The following LMO7 variants were observed in gnomAD, a reference collection of about 807,000 sequenced individuals.
LMO7 encodes the protein LIM domain 7.
LMO7 carries 120 observed loss-of-function variants against 206.5 expected under a neutral mutation model. The ratio of observed to expected loss-of-function variants is 0.58; its 90% CI spans 0.50 to 0.68. The LOEUF (loss-of-function observed/expected upper bound fraction) is 0.68. LMO7 is among the 30% of genes least tolerant of loss of function. LMO7 has a pLI of 0.00. For synonymous variants in LMO7, 706 were observed against 681.5 expected (o/e 1.04, Z -0.56); for missense variants, 1,959 against 1,957.9 (o/e 1.00, Z -0.01).
intron 1 of LMO7, among the ~76,000 whole-genome samples, chr13:75,660,551 T>A (rs941465834): frequency 2.0e-5 from 3 of 152,202 alleles, no homozygotes; most frequent in African/African-American, 7.2e-5. Flanking sequence ...GCTGATGGGG[T>A]GCAGTGCTTC....
chr13:75,846,015 T>C (rs114797865), intron 26 of LMO7, among the ~76,000 whole-genome samples: 1,672 of 152,256 alleles, frequency 0.011, 24 homozygotes, highest in African/African-American at 0.039. Context: ...GCCCATCATG[T>C]TGGATAGCCA....
At chr13:75,737,115 A>G (rs2045892171) in intron 3 of LMO7, among the ~76,000 whole-genome samples, 1 of 152,200 alleles carries the variant, frequency 6.6e-6, no homozygotes, top group African/African-American at 2.4e-5. Flanking sequence ...TAATGAGCTC[A>G]TACTGGGGTA....
In LMO7 at chr13:75,858,087, G is replaced by A; in HGVS notation, c.*144G>A. The A allele has an allele frequency of 1.2e-6, 1 of 823,360 alleles. No homozygotes were observed. Among genetic ancestry groups the A allele is most frequent in the Non-Finnish European group, 1.9e-6 (1 of 530,786 alleles). The allele number at this position is 823,360 out of a possible 1,614,324, so 51.0% of individuals were successfully genotyped here. A position where few individuals can be genotyped will look rare whatever the true frequency, so the allele number is the denominator to read the frequency against. On this transcript the variant is annotated 3_prime_UTR_variant, in exon 31 of 31. Transcript: ENST00000377534. ...TTTTTTTGCCTCTTTAGATTACATAGAAGCATTGTAGTCTTGGTAGAACCA... is the reference window on the plus strand; with the variant it reads ...TTTTTTTGCCTCTTTAGATTACATAAAAGCATTGTAGTCTTGGTAGAACCA...
At chr13:75,700,119 G>A (rs943685933) in intron 1 of LMO7, among the ~76,000 whole-genome samples, 3 of 152,116 alleles carry the variant, frequency 2.0e-5, no homozygotes, top group East Asian at 1.9e-4. Flanking sequence ...CCTGAACATC[G>A]CTGTTATCCT....
Position 75,807,976 on chromosome 13 carries a change from T to C in LMO7, c.1693T>C (p.Cys565Arg). 2.5e-6 allele frequency: 4 copies of C among 1,613,972 alleles called. No homozygotes were observed. Among genetic ancestry groups the C allele is most frequent in the South Asian group, 1.1e-5 (1 of 91,074 alleles). The change falls in exon 10 of 31, where the codon TGC (cysteine) becomes CGC (arginine). Residue 565 changes from cysteine to arginine, a missense_variant. By Grantham distance (180) the Cys-to-Arg change is radical (BLOSUM62 -3). Coordinates refer to ENST00000377534, the MANE Select transcript of LMO7 (RefSeq NM_001306080.2). ...ATTTCTCTGTGTACTTGAAAGGACATGCCCATCCAAAGAAAAAAGTAATAG... is the reference window on the plus strand; with the variant it reads ...ATTTCTCTGTGTACTTGAAAGGACACGCCCATCCAAAGAAAAAAGTAATAG... ...AKFLCVLERT[C>R]PSKEKSNSCR...
At chr13:75,663,434 T>TTCTTTC (rs780935072) in intron 1 of LMO7, among the ~76,000 whole-genome samples, 39 of 131,756 alleles carry the variant, frequency 3.0e-4, no homozygotes, top group South Asian at 7.1e-4. Flanking sequence ...CTTTCTTTCT[T>TTCTTTC]TTTTTTTTTT....
At chr13:75,789,882 G>A (rs1366108546) in intron 4 of LMO7, among the ~76,000 whole-genome samples, 3 of 152,128 alleles carry the variant, frequency 2.0e-5, no homozygotes, top group African/African-American at 7.2e-5. Flanking sequence ...GATCATAAAT[G>A]AAGATAGATT....
At chr13:75,752,280 G>A (rs571652588) in intron 3 of LMO7, among the ~76,000 whole-genome samples, 219 of 151,910 alleles carry the variant, frequency 1.4e-3, no homozygotes, top group Non-Finnish European at 1.8e-3. Context: ...ACAGGCGCCC[G>A]CCACTATGCC....
intron 3 of LMO7, among the ~76,000 whole-genome samples, chr13:75,748,813 TTC>T (rs1177309199): frequency 3.8e-5 from 5 of 132,508 alleles, no homozygotes; most frequent in Admixed American, 7.5e-5. Context: ...CTTTCTTTCT[TTC>T]TTTTTTTTTT....
intron 4 of LMO7, among the ~76,000 whole-genome samples, chr13:75,773,850 C>G (rs1594871779): frequency 6.6e-6 from 1 of 152,110 alleles, no homozygotes; most frequent in Admixed American, 6.6e-5. Flanking sequence ...AAAACAAAGT[C>G]CAGCTCTGAG....
At chr13:75,745,202 G>A (rs1340244710) in intron 3 of LMO7, among the ~76,000 whole-genome samples, 1 of 152,112 alleles carries the variant, frequency 6.6e-6, no homozygotes, top group East Asian at 1.9e-4. Flanking sequence ...AGTCCTGAGG[G>A]TCTGAACAGA....
intron 1 of LMO7, among the ~76,000 whole-genome samples, chr13:75,649,459 A>C (rs946452160): frequency 2.0e-5 from 3 of 152,230 alleles, no homozygotes; most frequent in Admixed American, 6.5e-5. Flanking sequence ...TCCGGACTAG[A>C]AGTGATCAAG....
chr13:75,621,649 A>T (rs1302250839), exon 1 of LMO7: 18 of 1,199,620 alleles, frequency 1.5e-5, no homozygotes, highest in Non-Finnish European at 2.1e-5. Context: ...AGTTCAATAT[A>T]TGGGTACGGT....
intron 1 of LMO7, among the ~76,000 whole-genome samples, chr13:75,697,559 G>A (rs940342191): frequency 8.5e-5 from 13 of 152,190 alleles, no homozygotes; most frequent in Non-Finnish European, 1.9e-4. Flanking sequence ...CACAACAAGT[G>A]GGAATTATGG....
At chr13:75,779,021 G>C (rs143876698) in intron 4 of LMO7, among the ~76,000 whole-genome samples, 77 of 152,196 alleles carry the variant, frequency 5.1e-4, no homozygotes, top group Non-Finnish European at 1.0e-3. Flanking sequence ...TTAGGAGCTC[G>C]AATTGATGGG....
intron 3 of LMO7, among the ~76,000 whole-genome samples, chr13:75,750,852 GCAT>G (rs1175228674): frequency 6.6e-6 from 1 of 152,154 alleles, no homozygotes. Context: ...TTTTGACTGT[GCAT>G]CAGTTGCATC....
intron 9 of LMO7, chr13:75,806,295 G>A: frequency 1.0e-6 from 1 of 973,380 alleles, no homozygotes; most frequent in Non-Finnish European, 1.2e-6. Flanking sequence ...CCTGCTGCGG[G>A]TCTGGCCTCA....
At position 75,817,147 on chromosome 13, in the gene LMO7, T is replaced by C; in HGVS notation, c.1947-14T>C. 2 of 1,588,618 alleles carry C rather than the reference T, an allele frequency of 1.3e-6. No homozygotes were observed. Among genetic ancestry groups the C allele is most frequent in the Non-Finnish European group, 1.7e-6 (2 of 1,157,772 alleles). Reference sequence around the variant, plus strand: ...TGTGAACTTCCGTAGTAACCATGAGTCTTTTTGTTGTAGGAGTAAGTCCAT... The same window carrying C: ...TGTGAACTTCCGTAGTAACCATGAGCCTTTTTGTTGTAGGAGTAAGTCCAT... On this transcript the variant is annotated splice_polypyrimidine_tract_variant and intron_variant, in intron 11 of 30. Coordinates refer to ENST00000377534, the MANE Select transcript of LMO7 (RefSeq NM_001306080.2).
At chr13:75,807,413 T>C in intron 9 of LMO7, 67 bp from the exon 10 acceptor site, 1 of 1,529,746 alleles carries the variant, frequency 6.5e-7, no homozygotes, top group Non-Finnish European at 8.8e-7. Context: ...GGCTAGTCGA[T>C]CTGCTAATTA....
Sources: allele counts gnomAD v4.1 joint callset (sites outside exome capture counted in the v4.1 genomes callset), GRCh38; gene constraint gnomAD v4.1.1; transcripts MANE v1.5; gene names NCBI Gene and HGNC (gene_info 2026-07-23, HGNC 2026-07-21).